Variants in GRK5 observed in about 807,000 individuals in gnomAD.
GRK5 encodes G protein-coupled receptor kinase 5.
GRK5 carries 40 observed loss-of-function variants against 78.4 expected under a neutral mutation model. That is an observed-to-expected ratio of 0.51 (90% CI 0.40 to 0.66). GRK5 has a LOEUF of 0.66. Ranked by LOEUF, GRK5 falls within the 30% of genes least tolerant of loss-of-function variation. The pLI is 0.00. For synonymous variants in GRK5, 289 were observed against 296.8 expected (o/e 0.97, Z 0.27); for missense variants, 598 against 759.9 (o/e 0.79, Z 2.50).
At chr10:119,422,296 A>G (rs1852585915) in intron 4 of GRK5, among the ~76,000 whole-genome samples, 1 of 152,190 alleles carries the variant, frequency 6.6e-6, no homozygotes, top group African/African-American at 2.4e-5. Flanking sequence ...ATGTCCTTTC[A>G]AATTTAAAAT....
chr10:119,324,815 T>C (rs912372617), intron 1 of GRK5, among the ~76,000 whole-genome samples: 1 of 152,186 alleles, frequency 6.6e-6, no homozygotes, highest in African/African-American at 2.4e-5. Context: ...GTGGCATGGG[T>C]GATTTCTTCC....
At chr10:119,368,802 C>T (rs975498926) in intron 2 of GRK5, among the ~76,000 whole-genome samples, 9 of 152,240 alleles carry the variant, frequency 5.9e-5, no homozygotes, top group South Asian at 2.1e-4. Context: ...GCCTTGCCTC[C>T]GCCCAGGGAC....
chr10:119,295,034 C>T (rs1850055484), intron 1 of GRK5, among the ~76,000 whole-genome samples: 1 of 151,680 alleles, frequency 6.6e-6, no homozygotes, highest in Admixed American at 6.6e-5. Flanking sequence ...ACTAAAAATA[C>T]AAAAAATTAG....
chr10:119,216,196 C>T (rs1468525987), intron 1 of GRK5, among the ~76,000 whole-genome samples: 1 of 152,238 alleles, frequency 6.6e-6, no homozygotes, highest in Non-Finnish European at 1.5e-5. Context: ...TGGTGACATC[C>T]TCCTAAACTA....
At chr10:119,303,744 G>C (rs781135437) in intron 1 of GRK5, among the ~76,000 whole-genome samples, 4 of 152,002 alleles carry the variant, frequency 2.6e-5, no homozygotes, top group Non-Finnish European at 4.4e-5. Flanking sequence ...ATGCTGGCCT[G>C]GTCCAGTGGC....
intron 8 of GRK5, among the ~76,000 whole-genome samples, chr10:119,435,045 T>C (rs1852892139): frequency 6.6e-6 from 1 of 152,220 alleles, no homozygotes. Context: ...CATTGGCCCC[T>C]TTCAGCCACG....
rs1330133546 is a variant in GRK5, at chr10:119,336,353, C to T, written c.148+9742C>T. Among the ~76,000 whole-genome samples the T allele has an allele frequency of 6.6e-6, 1 of 152,154 alleles. No individual in the cohort carries two copies. Among genetic ancestry groups the T allele is most frequent in the Non-Finnish European group, 1.5e-5 (1 of 68,038 alleles). ...GTTTCCTTGAAAGGACGTGTGTCAT[C>T]TAGAAGCCTGCAGCCCCGAGTCCTA... On this transcript the variant is annotated intron_variant, in intron 2 of 15. Transcript: ENST00000392870. This position sits in a 1 kb window ranked among gnomAD's most constrained non-coding sequence, Gnocchi z 4.5.
chr10:119,255,388 T>C (rs955333406), intron 1 of GRK5, among the ~76,000 whole-genome samples: 2 of 152,170 alleles, frequency 1.3e-5, no homozygotes, highest in Non-Finnish European at 2.9e-5. Flanking sequence ...CCAGGAAGCT[T>C]TGTCACATCG....
intron 1 of GRK5, among the ~76,000 whole-genome samples, chr10:119,261,016 C>T (rs1265361870): frequency 2.5e-4 from 34 of 137,014 alleles, no homozygotes; most frequent in South Asian, 4.9e-4. Flanking sequence ...CCGGACGGGG[C>T]GGCTGGCCGG....
intron 1 of GRK5, among the ~76,000 whole-genome samples, chr10:119,322,520 C>T (rs533488720): frequency 2.6e-5 from 4 of 152,314 alleles, no homozygotes; most frequent in African/African-American, 2.4e-5. Flanking sequence ...GAGGGCCTGC[C>T]GCTTAGTATG....
chr10:119,227,925 G>T (rs1240504187), intron 1 of GRK5, among the ~76,000 whole-genome samples: 1 of 152,106 alleles, frequency 6.6e-6, no homozygotes, highest in Non-Finnish European at 1.5e-5. Context: ...TTAAAATTGG[G>T]TAACCCTTGA....
intron 2 of GRK5, among the ~76,000 whole-genome samples, chr10:119,331,270 G>A (rs1850774591): frequency 6.6e-6 from 1 of 152,222 alleles, no homozygotes; most frequent in Non-Finnish European, 1.5e-5. Flanking sequence ...CTGCCGGAGG[G>A]TATTGAAAAG....
chr10:119,347,944 AC>A (rs1216541611), intron 2 of GRK5, among the ~76,000 whole-genome samples: 1 of 151,612 alleles, frequency 6.6e-6, no homozygotes, highest in African/African-American at 2.4e-5. Flanking sequence ...TCCAGTGACC[AC>A]CCCCCAACCT....
At chr10:119,416,114 G>A (rs1852446155) in intron 4 of GRK5, among the ~76,000 whole-genome samples, 1 of 152,180 alleles carries the variant, frequency 6.6e-6, no homozygotes, top group South Asian at 2.1e-4. Flanking sequence ...TGCCTCCAAG[G>A]GCACCAGCCA....
At chr10:119,329,055 T>C (rs781762253) in intron 2 of GRK5, among the ~76,000 whole-genome samples, 2 of 152,132 alleles carry the variant, frequency 1.3e-5, no homozygotes, top group African/African-American at 2.4e-5. Flanking sequence ...TAGATGTTAG[T>C]TGGATGAACG....
At chr10:119,329,953 C>A (rs949954193) in intron 2 of GRK5, among the ~76,000 whole-genome samples, 4 of 147,974 alleles carry the variant, frequency 2.7e-5, no homozygotes, top group African/African-American at 1.0e-4. Context: ...ACCTCTGCCT[C>A]CTGGGTTCAA....
chr10:119,247,755 A>G (rs1360391247), intron 1 of GRK5, among the ~76,000 whole-genome samples: 1 of 152,228 alleles, frequency 6.6e-6, no homozygotes, highest in Admixed American at 6.5e-5. Flanking sequence ...CAGAGAGCTC[A>G]AAGTGTGTTG....
chr10:119,273,667 C>T lies in GRK5; in HGVS notation c.53-52849C>T, dbSNP rs1030916826. ...GTCACCTACTTTGCAACCCTAGTTTCGTGATTTGGTTAATGGTGTTTAAGT... is the reference window on the plus strand; with the variant it reads ...GTCACCTACTTTGCAACCCTAGTTTTGTGATTTGGTTAATGGTGTTTAAGT... On this transcript the variant is annotated intron_variant, in intron 1 of 15. Coordinates refer to ENST00000392870, the MANE Select transcript of GRK5 (RefSeq NM_005308.3). 3.9e-5 allele frequency among the ~76,000 whole-genome samples: 6 copies of T among 152,154 alleles called. No homozygotes were observed. In the East Asian group the frequency reaches 9.6e-4, roughly 24 times the overall value.
intron 1 of GRK5, among the ~76,000 whole-genome samples, chr10:119,316,806 T>C (rs1371024096): frequency 2.0e-5 from 3 of 152,134 alleles, no homozygotes; most frequent in Non-Finnish European, 2.9e-5. Context: ...ATCATGATTT[T>C]GGCATGATTG....
Sources: gnomAD v4.1 joint callset for allele counts (sites outside exome capture counted in the v4.1 genomes callset) on GRCh38, gnomAD v4.1.1 for gene constraint, Gnocchi (gnomAD v3.1) non-coding constraint, MANE v1.5 for transcripts, NCBI Gene and HGNC (gene_info 2026-07-23, HGNC 2026-07-21) for gene names.